The following SETX variants were observed in gnomAD, a reference collection of about 807,000 sequenced individuals.
SETX encodes the protein helicase senataxin.
Under a neutral mutation model 227.2 loss-of-function variants are expected in SETX, and 90 were observed. The observed-to-expected ratio is 0.40, with a 90% confidence interval of 0.33 to 0.47. The LOEUF is 0.47. SETX is among the 20% of genes least tolerant of loss of function. The pLI is 0.91. For synonymous variants in SETX, 1,210 were observed against 1,113.2 expected (o/e 1.09, Z -1.73); for missense variants, 3,052 against 3,181.5 (o/e 0.96, Z 0.98).
chr9:132,337,436 T>TAA (rs55840073), intron 5 of SETX, among the ~76,000 whole-genome samples: 22,287 of 148,922 alleles, frequency 0.15, 2,304 homozygotes, highest in East Asian at 0.44. Flanking sequence ...CAACCAACCT[T>TAA]AAAAAAAAAA....
chr9:132,355,702 C>T (rs1848874344), upstream of SETX, among the ~76,000 whole-genome samples: 1 of 151,662 alleles, frequency 6.6e-6, no homozygotes, highest in South Asian at 2.1e-4. Context: ...ACTCAGCCAC[C>T]GAGGCCGGGC....
intron 5 of SETX, among the ~76,000 whole-genome samples, chr9:132,342,341 A>G (rs1848026625): frequency 6.6e-6 from 1 of 152,148 alleles, no homozygotes; most frequent in Non-Finnish European, 1.5e-5. Flanking sequence ...CAGCAAAATA[A>G]CTTTTCAAAT....
Position 132,278,437 on chromosome 9 carries a change from C to CTTTTT in SETX, c.6655-185_6655-181dup, listed in dbSNP as rs67558000. On this transcript the variant is annotated intron_variant, in intron 20 of 25. Transcript: ENST00000224140. The stretch of plus-strand genomic sequence containing the variant: ...CTCTGAGCCTCAAAATGCCATGAAT[C>CTTTTT]TTTTTTTTTTTTTTTTTTTTTTTTT... Among the ~76,000 whole-genome samples, 118 of 84,844 alleles carry CTTTTT rather than the reference C, an allele frequency of 1.4e-3. 11 individuals carry two copies. Among genetic ancestry groups the CTTTTT allele is most frequent in the Non-Finnish European group, 2.3e-3 (91 of 40,160 alleles). 55.7% of individuals were successfully genotyped at this position (84,844 alleles called of 152,430 possible). A position where few individuals can be genotyped will look rare whatever the true frequency, so the allele number is the denominator to read the frequency against.
Position 132,327,578 on chromosome 9 carries a change from CTTA to C in SETX, c.4017_4019del (p.Asn1339del), listed in dbSNP as rs1846909584. ...GAAGTTCTTGACTAGTCAGAAGTTT[CTTA>C]TTATTTCTGACAGACAGGTTCTGAG... is the stretch of plus-strand genomic sequence containing the variant. On this transcript the variant is annotated inframe_deletion, in exon 10 of 26. Coordinates refer to ENST00000224140, the MANE Select transcript of SETX (RefSeq NM_015046.7). 1.2e-6 allele frequency: 2 copies of C among 1,613,868 alleles called. No homozygotes were observed. The highest frequency in any genetic ancestry group is 1.7e-5 in the Admixed American group (1 of 60,002).
chr9:132,278,978 T>C (rs1843341913), intron 20 of SETX, among the ~76,000 whole-genome samples: 1 of 152,218 alleles, frequency 6.6e-6, no homozygotes. Context: ...TCGACTTATG[T>C]GTTGACCATC....
chr9:132,289,177 C>T (rs1844130512), intron 15 of SETX, among the ~76,000 whole-genome samples: 1 of 152,134 alleles, frequency 6.6e-6, no homozygotes, highest in Non-Finnish European at 1.5e-5. Flanking sequence ...GCTCTCCTAT[C>T]TATAAACACT....
intron 4 of SETX, among the ~76,000 whole-genome samples, chr9:132,343,552 C>G (rs1277824771): frequency 6.6e-6 from 1 of 152,170 alleles, no homozygotes; most frequent in African/African-American, 2.4e-5. Flanking sequence ...TTTACCCTTT[C>G]AGATGAATCA....
Position 132,271,767 on chromosome 9 carries a change from T to C in SETX, c.7142A>G (p.Gln2381Arg), listed in dbSNP as rs758711007. 3 of 1,614,142 alleles carry C rather than the reference T, an allele frequency of 1.9e-6. No homozygotes were observed. Among genetic ancestry groups the C allele is most frequent in the Non-Finnish European group, 1.7e-6 (2 of 1,180,012 alleles). The part of the protein sequence containing the change: ...VDTVDAFQGR[Q>R]KDCVIVTCVR... ...ACACGTAACAATAACACAATCCTTC[T>C]GCCGACCCTGGAATGCATCCACAGT... is the stretch of plus-strand genomic sequence containing the variant. The change falls in exon 24 of 26, where the codon CAG becomes CGG. Residue 2381 changes from glutamine (Q) to arginine (R), a missense_variant. This residue lies in a region of SETX where 412 missense variants were observed against 589.0 expected (regional missense o/e 0.70). Transcript: ENST00000224140.
rs370424504 is a variant in SETX, at chr9:132,283,194, C to T, written c.6546+70G>A. The T allele has an allele frequency of 7.9e-5, 126 of 1,585,830 alleles. No homozygotes were observed. In the African/African-American group the frequency reaches 1.5e-3, roughly 19 times the overall value. On this transcript the variant is annotated intron_variant, in intron 19 of 25. Coordinates refer to ENST00000224140, the MANE Select transcript of SETX (RefSeq NM_015046.7). Reference sequence around the variant, plus strand: ...AAAACACATTTCCTCAACATTTCAGCAGCCACAATTCATCTAAGACTTACT... The same window carrying T: ...AAAACACATTTCCTCAACATTTCAGTAGCCACAATTCATCTAAGACTTACT...
At chr9:132,336,146 G>C in intron 6 of SETX, 150 bp downstream of exon 6, 1 of 682,786 alleles carries the variant, frequency 1.5e-6, no homozygotes, top group Non-Finnish European at 2.6e-6. Context: ...GGGAGGCTAA[G>C]GCAGGAGAAT....
chr9:132,290,571 T>C lies in SETX; in HGVS notation c.6107-1920A>G, dbSNP rs1389206673. On this transcript the variant is annotated intron_variant, in intron 15 of 25. Coordinates refer to ENST00000224140, the MANE Select transcript of SETX (RefSeq NM_015046.7). ...GCCTGGGAGACAGAGCGAGACTCCGTCTCAAAAAAAAAAAAAAAAAAAAAA... is the reference window on the plus strand; with the variant it reads ...GCCTGGGAGACAGAGCGAGACTCCGCCTCAAAAAAAAAAAAAAAAAAAAAA... Among the ~76,000 whole-genome samples, 3 of 78,294 alleles carry C rather than the reference T, an allele frequency of 3.8e-5. No homozygotes were observed. In the Admixed American group the frequency reaches 4.7e-4, roughly 12 times the overall value. 51.4% of individuals were successfully genotyped at this position (78,294 alleles called of 152,430 possible).
upstream of SETX, among the ~76,000 whole-genome samples, chr9:132,355,158 T>C (rs906754418): frequency 3.3e-5 from 5 of 152,086 alleles, no homozygotes; most frequent in Non-Finnish European, 7.4e-5. Context: ...CGCCGGGCGC[T>C]GGCGTCACGT....
chr9:132,340,655 T>C (rs1405080976), intron 5 of SETX, among the ~76,000 whole-genome samples: 2 of 152,220 alleles, frequency 1.3e-5, no homozygotes, highest in Non-Finnish European at 2.9e-5. Flanking sequence ...CCCCAAGTCC[T>C]GGGGTTAAGA....
chr9:132,278,266 G>C lies in SETX; in HGVS notation c.6655-9C>G. ...CCATACTCCTGTGCTTTCTGTGAGG[G>C]GCAAAATAAAGCAACAGTTTCCAAG... On this transcript the variant is annotated splice_polypyrimidine_tract_variant and intron_variant, in intron 20 of 25. Transcript: ENST00000224140. 6.2e-7 allele frequency: 1 copy of C among 1,613,686 alleles called. No homozygotes were observed. The highest frequency in any genetic ancestry group is 8.5e-7 in the Non-Finnish European group (1 of 1,179,812).
chr9:132,263,960 C>T lies in SETX; in HGVS notation c.*279G>A, dbSNP rs1842504386. The T allele has an allele frequency of 2.0e-6, 1 of 493,988 alleles. No individual in the cohort carries two copies. The highest frequency in any genetic ancestry group is 3.6e-5 in the East Asian group (1 of 27,756). 30.6% of individuals were successfully genotyped at this position (493,988 alleles called of 1,614,324 possible). A position where few individuals can be genotyped will look rare whatever the true frequency, so the allele number is the denominator to read the frequency against. ...ATTTCAACTTTTACAACATTCACTC[C>T]AGTCTGACCTCCTTGTCTATAGAAG... On this transcript the variant is annotated 3_prime_UTR_variant, in exon 26 of 26. Transcript: ENST00000224140.
intron 23 of SETX, among the ~76,000 whole-genome samples, chr9:132,274,440 CTTTT>C: frequency 7.5e-6 from 1 of 132,476 alleles, no homozygotes; most frequent in East Asian, 2.1e-4. Flanking sequence ...CTGATTTTTT[CTTTT>C]TTTTTTTTTT....
At position 132,262,624 on chromosome 9, in the gene SETX, T is replaced by C. The variant is rs1842455515; in HGVS notation, c.*1615A>G. ...TCCAGGAAGTCACCTGCTCCCTGGG[T>C]TTCAGGAGTATTCAGTTGACCGTCT... is the stretch of plus-strand genomic sequence containing the variant. On this transcript the variant is annotated 3_prime_UTR_variant, in exon 26 of 26. Transcript: ENST00000224140. 1 of 152,468 alleles carries C rather than the reference T, an allele frequency of 6.6e-6. No homozygotes were observed. The highest frequency in any genetic ancestry group is 2.4e-5 in the African/African-American group (1 of 41,378). The allele number at this position is 152,468 out of a possible 1,614,324, so 9.4% of individuals were successfully genotyped here. A position where few individuals can be genotyped will look rare whatever the true frequency, so the allele number is the denominator to read the frequency against.
At chr9:132,288,034 G>A (rs556395565) in intron 17 of SETX, among the ~76,000 whole-genome samples, 2 of 152,136 alleles carry the variant, frequency 1.3e-5, no homozygotes, top group East Asian at 3.9e-4. Context: ...AAATTAGCCA[G>A]GTGTGCCGGC....
Position 132,327,481 on chromosome 9 carries a change from C to G in SETX, c.4117G>C (p.Val1373Leu), listed in dbSNP as rs1396493056. ...GCTGTATGTGACCCTGCTCTTTTAA[C>G]ATCTGTACTTTCACAATCAGAAAGT... ...RRLSDCESTD[V>L]KRAGSHTAQN... The change falls in exon 10 of 26, where the codon GTT becomes CTT. Residue 1373 changes from valine to leucine, a missense_variant. Transcript: ENST00000224140. 8.7e-6 allele frequency: 14 copies of G among 1,614,140 alleles called. No homozygotes were observed. Among genetic ancestry groups the G allele is most frequent in the Non-Finnish European group, 1.2e-5 (14 of 1,180,044 alleles).
Sources: gnomAD v4.1 joint callset for allele counts (sites outside exome capture counted in the v4.1 genomes callset) on GRCh38, gnomAD v4.1.1 for gene constraint, gnomAD v4.1.1 regional missense constraint, MANE v1.5 for transcripts, NCBI Gene and HGNC (gene_info 2026-07-23, HGNC 2026-07-21) for gene names.